Variants in RARB observed in about 807,000 individuals in gnomAD.
The protein encoded by RARB is retinoic acid receptor beta.
A neutral mutation model predicts 51.9 loss-of-function variants in RARB; 17 were observed. The observed-to-expected ratio is 0.33, with a 90% confidence interval of 0.22 to 0.49. The LOEUF (loss-of-function observed/expected upper bound fraction) is 0.49, where lower values mean the gene tolerates loss of function less well. Among genes scored for constraint, RARB ranks in the 20% least tolerant of loss-of-function variants. The probability of loss-of-function intolerance (pLI) is 0.99; values close to 1 mark genes in which losing one functional copy is unlikely to be tolerated. For synonymous variants in RARB, 215 were observed against 195.4 expected (o/e 1.10, Z -0.84); for missense variants, 369 against 550.8 (o/e 0.67, Z 3.30).
At chr3:25,108,618 T>A (rs1301115641) in intron 3 of RARB, among the ~76,000 whole-genome samples, 1 of 152,158 alleles carries the variant, frequency 6.6e-6, no homozygotes, top group African/African-American at 2.4e-5. Flanking sequence ...TAATTCAGTG[T>A]CCAGGGAAAA....
intron 5 of RARB, among the ~76,000 whole-genome samples, chr3:25,204,865 G>A (rs570078093): frequency 5.3e-5 from 8 of 152,162 alleles, no homozygotes; most frequent in East Asian, 1.9e-4. Flanking sequence ...TAGGCTACTC[G>A]GGGGTCAGGG....
At chr3:25,375,279 A>G (rs1008910403) in intron 5 of RARB, among the ~76,000 whole-genome samples, 5 of 152,202 alleles carry the variant, frequency 3.3e-5, no homozygotes, top group Non-Finnish European at 5.9e-5. Flanking sequence ...ATGTATTTCT[A>G]CCACCCTGTC....
intron 5 of RARB, among the ~76,000 whole-genome samples, chr3:25,227,745 G>A (rs1196018613): frequency 6.6e-6 from 1 of 151,980 alleles, no homozygotes; most frequent in African/African-American, 2.4e-5. Context: ...ATATTTACAT[G>A]GGAACCAGTC....
At chr3:25,365,170 T>TATATAAGCC (rs1706074158) in intron 5 of RARB, among the ~76,000 whole-genome samples, 1 of 149,980 alleles carries the variant, frequency 6.7e-6, no homozygotes, top group Admixed American at 6.7e-5. Context: ...ATGCAAAAGG[T>TATATAAGCC]ATATAAGCCA....
At chr3:25,280,652 A>G (rs1009894980) in intron 5 of RARB, among the ~76,000 whole-genome samples, 20 of 152,222 alleles carry the variant, frequency 1.3e-4, no homozygotes, top group Non-Finnish European at 7.3e-5. Context: ...TGTTACGTCA[A>G]CGTTTATTGA....
intron 5 of RARB, among the ~76,000 whole-genome samples, chr3:25,225,218 A>G (rs1702030407): frequency 1.3e-5 from 2 of 152,188 alleles, no homozygotes; most frequent in Non-Finnish European, 2.9e-5. Flanking sequence ...AAATACTCTG[A>G]TAGTACAAAG....
intron 2 of RARB, among the ~76,000 whole-genome samples, chr3:24,962,593 G>A (rs1342966627): frequency 6.6e-6 from 1 of 152,194 alleles, no homozygotes; most frequent in East Asian, 1.9e-4. Context: ...TACTGCCTGA[G>A]CTCCACCTCC....
At chr3:25,523,222 T>A (rs1289918519) in intron 3 of RARB, among the ~76,000 whole-genome samples, 2 of 152,186 alleles carry the variant, frequency 1.3e-5, no homozygotes, top group Non-Finnish European at 2.9e-5. Context: ...AGGGGAATGG[T>A]TCTCTGCCCT....
chr3:25,418,479 G>T (rs1168158994), intron 5 of RARB, among the ~76,000 whole-genome samples: 1 of 152,212 alleles, frequency 6.6e-6, no homozygotes, highest in African/African-American at 2.4e-5. Flanking sequence ...GACTCAGAAG[G>T]ATTATGAATT....
chr3:25,365,696 G>A (rs1165355892), intron 5 of RARB, among the ~76,000 whole-genome samples: 1 of 152,114 alleles, frequency 6.6e-6, no homozygotes, highest in Non-Finnish European at 1.5e-5. Context: ...CTGTTATCTG[G>A]GCTAGGATAA....
chr3:24,977,068 T>A (rs1309828706), intron 2 of RARB, among the ~76,000 whole-genome samples: 1 of 152,142 alleles, frequency 6.6e-6, no homozygotes, highest in African/African-American at 2.4e-5. Context: ...ATCAGATGGT[T>A]GTAGATGTAT....
intron 4 of RARB, among the ~76,000 whole-genome samples, chr3:25,168,161 G>C (rs1425578476): frequency 1.3e-5 from 2 of 152,164 alleles, no homozygotes; most frequent in Non-Finnish European, 2.9e-5. Flanking sequence ...TAAAGAGAAA[G>C]AGTCTATAAT....
chr3:24,873,115 C>T lies in RARB; in HGVS notation c.-380+14363C>T, dbSNP rs7647739. ...ATATTCCAATAAAAGTTTATGAAAA[C>T]AGATGACAAACTAGATTTGGCCCAT... On this transcript the variant is annotated intron_variant, in intron 2 of 11. Coordinates refer to the RARB transcript ENST00000383772. Among the ~76,000 whole-genome samples the T allele has an allele frequency of 7.5e-3, 1,143 of 152,292 alleles. 14 individuals are homozygous for T. Among genetic ancestry groups the T allele is most frequent in the African/African-American group, 0.026 (1,089 of 41,570 alleles).
At chr3:25,118,955 G>C (rs1306857074) in intron 3 of RARB, among the ~76,000 whole-genome samples, 2 of 152,106 alleles carry the variant, frequency 1.3e-5, no homozygotes, top group Non-Finnish European at 2.9e-5. Context: ...AGTAAATAGA[G>C]TATCCAGAGA....
intron 5 of RARB, among the ~76,000 whole-genome samples, chr3:25,422,663 A>G (rs1295978165): frequency 6.6e-6 from 1 of 152,122 alleles, no homozygotes; most frequent in African/African-American, 2.4e-5. Flanking sequence ...ACCAGCCAAG[A>G]GAGAAAGAAA....
At chr3:25,427,383 A>T (rs561922710), upstream of RARB, among the ~76,000 whole-genome samples, 130 of 152,358 alleles carry the variant, frequency 8.5e-4, no homozygotes, top group African/African-American at 3.0e-3. Flanking sequence ...TTTACAGATG[A>T]GGAAACTGAA....
chr3:25,096,387 T>G (rs1211310929), intron 3 of RARB, among the ~76,000 whole-genome samples: 1 of 152,102 alleles, frequency 6.6e-6, no homozygotes, highest in African/African-American at 2.4e-5. Flanking sequence ...GGAGAAATTG[T>G]GGAGAGAGGG....
At chr3:25,293,148 C>T (rs1243564181) in intron 5 of RARB, among the ~76,000 whole-genome samples, 3 of 152,090 alleles carry the variant, frequency 2.0e-5, no homozygotes, top group Non-Finnish European at 4.4e-5. Context: ...AATTTTTCGC[C>T]GTATACCTGT....
At chr3:25,572,796 C>T (rs1272887786) in intron 4 of RARB, among the ~76,000 whole-genome samples, 1 of 152,188 alleles carries the variant, frequency 6.6e-6, no homozygotes, top group African/African-American at 2.4e-5. Context: ...GTAACTGCTA[C>T]ATCAGGGTCC....
Sources: allele counts gnomAD v4.1 joint callset (sites outside exome capture counted in the v4.1 genomes callset), GRCh38; gene constraint gnomAD v4.1.1; transcripts MANE v1.5; gene names NCBI Gene and HGNC (gene_info 2026-07-23, HGNC 2026-07-21).